The following KCTD2 variants were observed in gnomAD, a reference collection of about 807,000 sequenced individuals.
The protein encoded by KCTD2 is potassium channel tetramerization domain containing 2.
KCTD2 carries 18 observed loss-of-function variants against 27.9 expected under a neutral mutation model. That is an observed-to-expected ratio of 0.64 (90% CI 0.45 to 0.96). The LOEUF (loss-of-function observed/expected upper bound fraction) is 0.96, where lower values mean the gene tolerates loss of function less well. Ranked by LOEUF, KCTD2 falls within the 40% of genes least tolerant of loss-of-function variation. KCTD2 has a pLI of 0.00. For missense variants in KCTD2, 280 were observed against 348.0 expected (o/e 0.80, Z 1.56); for synonymous variants, 175 against 148.4 (o/e 1.18, Z -1.30).
At chr17:75,039,335 G>A (rs2073134919) in intron 3 of KCTD2, 1 of 1,467,736 alleles carries the variant, frequency 6.8e-7, no homozygotes, top group South Asian at 1.1e-5. Context: ...CAGCTGCTAA[G>A]GTAGGAGTCG....
Position 75,047,376 on chromosome 17 carries a change from C to A in KCTD2, c.126C>A (p.Arg42=). Residue 42 remains arginine, a synonymous_variant, in exon 1 of 6, where the codon CGC becomes CGA. Coordinates refer to ENST00000322444, the MANE Select transcript of KCTD2 (RefSeq NM_015353.3). The stretch of plus-strand genomic sequence containing the variant: ...CACGCCCGGCTGGCCCCACGCCCCG[C>A]GGGCACGGCCGCCCGGCTGCCGCCG... ...PSPRPAGPTP[R]GHGRPAAAVA... is the part of the protein sequence containing the mutation. The A allele has an allele frequency of 8.9e-7, 1 of 1,126,770 alleles. No homozygotes were observed. Among genetic ancestry groups the A allele is most frequent in the Non-Finnish European group, 1.1e-6 (1 of 921,958 alleles). 69.8% of individuals were successfully genotyped at this position (1,126,770 alleles called of 1,614,324 possible). A position where few individuals can be genotyped will look rare whatever the true frequency, so the allele number is the denominator to read the frequency against.
chr17:75,037,484 CTCATT>C (rs748688534), intron 3 of KCTD2, among the ~76,000 whole-genome samples: 2 of 152,118 alleles, frequency 1.3e-5, no homozygotes, highest in Non-Finnish European at 2.9e-5. Flanking sequence ...CCCAGGTTAT[CTCATT>C]TAATTCTCAT....
intron 3 of KCTD2, chr17:75,041,811 C>A: frequency 5.9e-6 from 1 of 170,190 alleles, no homozygotes; most frequent in Non-Finnish European, 1.2e-5. Flanking sequence ...GGCTGTAGCG[C>A]GTTATGCCGA....
intron 3 of KCTD2, among the ~76,000 whole-genome samples, chr17:75,058,301 T>G (rs1468324077): frequency 1.4e-5 from 2 of 146,278 alleles, no homozygotes; most frequent in African/African-American, 5.1e-5. Context: ...CACTCCAGCC[T>G]GGGCGACAGA....
intron 3 of KCTD2, among the ~76,000 whole-genome samples, chr17:75,036,846 C>G (rs1362092354): frequency 1.3e-5 from 2 of 152,136 alleles, no homozygotes; most frequent in Non-Finnish European, 2.9e-5. Context: ...GCACAGCTAC[C>G]GCTCCTCATC....
At chr17:75,046,273 G>A (rs1429662733), upstream of KCTD2, among the ~76,000 whole-genome samples, 2 of 152,130 alleles carry the variant, frequency 1.3e-5, no homozygotes, top group Admixed American at 6.5e-5. Context: ...TAGTAGAGGC[G>A]GGGTTTCACT....
At chr17:75,035,101 G>C (rs142463802) in intron 2 of KCTD2, 4 of 152,328 alleles carry the variant, frequency 2.6e-5, no homozygotes, top group Middle Eastern at 3.4e-3. Flanking sequence ...CTAGGAGGTA[G>C]CTGCAGCCGG....
Position 75,042,097 on chromosome 17 carries a change from T to C in KCTD2, c.-259+6740T>C, listed in dbSNP as rs559679578. 113 of 1,199,586 alleles carry C rather than the reference T, an allele frequency of 9.4e-5. No individual in the cohort carries two copies. In the South Asian group the frequency reaches 1.5e-3, roughly 16 times the overall value. 74.3% of individuals were successfully genotyped at this position (1,199,586 alleles called of 1,614,324 possible). A position where few individuals can be genotyped will look rare whatever the true frequency, so the allele number is the denominator to read the frequency against. On this transcript the variant is annotated intron_variant, in intron 3 of 7. Coordinates refer to the KCTD2 transcript ENST00000581589. ...AGCTTCCTTAGGGATCTGGCTGTCA[T>C]GCTGTGTATGTAATTATCCCTGTTC... is the stretch of plus-strand genomic sequence containing the variant.
At chr17:75,040,790 G>T (rs1464025071) in intron 3 of KCTD2, 2 of 151,984 alleles carry the variant, frequency 1.3e-5, no homozygotes, top group African/African-American at 4.8e-5. Flanking sequence ...GGAGGCTGAG[G>T]CAAGAGAACT....
At chr17:75,035,151 T>C (rs1458576584) in intron 2 of KCTD2, 1 of 152,060 alleles carries the variant, frequency 6.6e-6, no homozygotes, top group African/African-American at 2.4e-5. Context: ...TGACTTCGGA[T>C]CAGAAGATTG....
intron 1 of KCTD2, chr17:75,033,910 C>T (rs2040087924): frequency 6.6e-6 from 1 of 152,316 alleles, no homozygotes. Flanking sequence ...CCCCAAGCCC[C>T]AGTGGCCTAA....
intron 3 of KCTD2, among the ~76,000 whole-genome samples, chr17:75,057,854 C>G (rs1004018101): frequency 5.3e-5 from 8 of 151,900 alleles, no homozygotes; most frequent in South Asian, 4.2e-4. Context: ...AGTCACTGCA[C>G]CCGGCGATCG....
chr17:75,042,117 C>A, intron 3 of KCTD2: 1 of 1,411,764 alleles, frequency 7.1e-7, no homozygotes, highest in Non-Finnish European at 9.9e-7. Context: ...GTAATTATCC[C>A]TGTTCCTGCT....
intron 2 of KCTD2, 60 bp downstream of exon 2, chr17:75,049,388 T>G: frequency 9.0e-7 from 1 of 1,105,436 alleles, no homozygotes; most frequent in Non-Finnish European, 1.4e-6. Context: ...TAAAGTTGTT[T>G]TACAGATTTC....
rs912431865 is a variant in KCTD2, at chr17:75,065,809, C to G, written c.*2762C>G. On this transcript the variant is annotated 3_prime_UTR_variant, in exon 6 of 6. Transcript: ENST00000322444. ...CTGTCACTGGTGGGCACCCTCTGTT[C>G]CTGTTTGTGTGTTTGAATAGTCTGA... 3.3e-5 allele frequency: 5 copies of G among 152,150 alleles called. No homozygotes were observed. Among genetic ancestry groups the G allele is most frequent in the Admixed American group, 6.6e-5 (1 of 15,256 alleles). 9.4% of individuals were successfully genotyped at this position (152,150 alleles called of 1,614,324 possible).
intron 5 of KCTD2, among the ~76,000 whole-genome samples, chr17:75,062,504 G>C (rs2073414259): frequency 6.6e-6 from 1 of 152,128 alleles, no homozygotes; most frequent in Non-Finnish European, 1.5e-5. Context: ...AAAAAGAAAA[G>C]CTGGTTGCCA....
chr17:75,064,050 C>G lies in KCTD2; in HGVS notation c.*1003C>G, dbSNP rs1422802119. On this transcript the variant is annotated 3_prime_UTR_variant, in exon 6 of 6. Transcript: ENST00000322444. ...TTGACTGAATGTGCAATATTTGTGT[C>G]TCTTGGTTTCTAACCTTGGCGGACC... 6.5e-6 allele frequency: 1 copy of G among 152,830 alleles called. No individual in the cohort carries two copies. Among genetic ancestry groups the G allele is most frequent in the Admixed American group, 6.5e-5 (1 of 15,274 alleles). The allele number at this position is 152,830 out of a possible 1,614,324, so 9.5% of individuals were successfully genotyped here. A position where few individuals can be genotyped will look rare whatever the true frequency, so the allele number is the denominator to read the frequency against.
intron 1 of KCTD2, among the ~76,000 whole-genome samples, chr17:75,033,391 T>C (rs1345208016): frequency 6.6e-6 from 1 of 152,140 alleles, no homozygotes; most frequent in Non-Finnish European, 1.5e-5. Context: ...TCTATACTTG[T>C]AGTATCTAGT....
At chr17:75,039,255 T>A (rs2073133981) in intron 3 of KCTD2, 6 of 1,614,122 alleles carry the variant, frequency 3.7e-6, no homozygotes, top group Non-Finnish European at 5.1e-6. Context: ...AGACACCCAC[T>A]CAGCACAAGA....
Sources: gnomAD v4.1 joint callset for allele counts (sites outside exome capture counted in the v4.1 genomes callset) on GRCh38, gnomAD v4.1.1 for gene constraint, MANE v1.5 for transcripts, NCBI Gene and HGNC (gene_info 2026-07-23, HGNC 2026-07-21) for gene names.